Variants in HADHB observed in about 807,000 individuals in gnomAD.
HADHB encodes trifunctional enzyme subunit beta, mitochondrial.
HADHB carries 50 observed loss-of-function variants against 61.9 expected under a neutral mutation model. The ratio of observed to expected loss-of-function variants is 0.81; its 90% CI spans 0.64 to 1.02. The LOEUF is 1.02. Among genes scored for constraint, HADHB ranks in the 50% least tolerant of loss-of-function variants. The pLI is 0.00. For missense variants in HADHB, 504 were observed against 586.5 expected (o/e 0.86, Z 1.45); for synonymous variants, 191 against 201.6 (o/e 0.95, Z 0.45).
At chr2:26,263,523 C>A in intron 4 of HADHB, 44 bp downstream of exon 4, 1 of 1,214,240 alleles carries the variant, frequency 8.2e-7, no homozygotes, top group Non-Finnish European at 1.2e-6. Context: ...TCTTTTAAGA[C>A]ACTTTCAAAA....
chr2:26,260,099 T>TTTTTG, intron 3 of HADHB, among the ~76,000 whole-genome samples: 1 of 151,000 alleles, frequency 6.6e-6, no homozygotes. Context: ...TTTTTTTTTT[T>TTTTTG]GAGGCAGAGT....
Position 26,244,969 on chromosome 2 carries a change from G to A in HADHB, c.-30G>A. The A allele has an allele frequency of 7.0e-6, 2 of 286,448 alleles. No individual in the cohort carries two copies. Among genetic ancestry groups the A allele is most frequent in the South Asian group, 3.8e-5 (1 of 26,246 alleles). The allele number at this position is 286,448 out of a possible 1,614,324, so 17.7% of individuals were successfully genotyped here. A position where few individuals can be genotyped will look rare whatever the true frequency, so the allele number is the denominator to read the frequency against. On this transcript the variant is annotated 5_prime_UTR_variant, in exon 1 of 16. Coordinates refer to ENST00000317799, the MANE Select transcript of HADHB (RefSeq NM_000183.3). ...GACCTGAACCTTGCTCCGAGAGGGA[G>A]TCCTCGCGGACGTCAGCCAAGGTGA...
At chr2:26,279,076 A>G (rs1047158067) in intron 8 of HADHB, 59 bp from the exon 9 acceptor site, 87 of 1,276,850 alleles carry the variant, frequency 6.8e-5, no homozygotes, top group Non-Finnish European at 9.3e-5. Context: ...GAACAATCCT[A>G]GGTGTTAGCA....
At position 26,290,016 on chromosome 2, in the gene HADHB, A is replaced by T; in HGVS notation, c.*63A>T. ...ACTCACACTAGGCAATGCCATTTCA[A>T]TGCATTACTAAATGACATTTGTAGT... On this transcript the variant is annotated 3_prime_UTR_variant, in exon 16 of 16. Transcript: ENST00000317799. The T allele has an allele frequency of 9.8e-7, 1 of 1,024,738 alleles. No homozygotes were observed. The highest frequency in any genetic ancestry group is 1.6e-6 in the Non-Finnish European group (1 of 642,634). 63.5% of individuals were successfully genotyped at this position (1,024,738 alleles called of 1,614,324 possible). A position where few individuals can be genotyped will look rare whatever the true frequency, so the allele number is the denominator to read the frequency against.
At chr2:26,286,731 C>G (rs1409312215) in intron 15 of HADHB, among the ~76,000 whole-genome samples, 1 of 150,640 alleles carries the variant, frequency 6.6e-6, no homozygotes, top group Non-Finnish European at 1.5e-5. Flanking sequence ...GTCTCGAACT[C>G]CTGACCTCAG....
chr2:26,288,801 C>T (rs1221142766), intron 15 of HADHB, among the ~76,000 whole-genome samples: 1 of 152,152 alleles, frequency 6.6e-6, no homozygotes, highest in African/African-American at 2.4e-5. Context: ...AATCTTTAAA[C>T]CTGCAGTGTT....
chr2:26,285,739 GTTTTT>G (rs766742523), intron 15 of HADHB, among the ~76,000 whole-genome samples, 168 bp downstream of exon 15: 2 of 65,082 alleles, frequency 3.1e-5, no homozygotes, highest in Non-Finnish European at 5.7e-5. Flanking sequence ...TGTTTTTTGG[GTTTTT>G]TTTTTTTTTT....
At chr2:26,258,788 C>T (rs970159920) in intron 3 of HADHB, among the ~76,000 whole-genome samples, 9 of 152,192 alleles carry the variant, frequency 5.9e-5, no homozygotes, top group Non-Finnish European at 1.2e-4. Context: ...CAATCATTGT[C>T]GCTCCCCCTG....
chr2:26,273,787 T>TTCTCCTATCACTCTTTAA, intron 6 of HADHB, 37 bp downstream of exon 6: 1 of 1,016,682 alleles, frequency 9.8e-7, no homozygotes, highest in Non-Finnish European at 1.6e-6. Context: ...TAAAGAGTGA[T>TTCTCCTATCACTCTTTAA]AGGAGAATCA....
chr2:26,272,579 C>G (rs941244050), intron 5 of HADHB, among the ~76,000 whole-genome samples: 1 of 151,018 alleles, frequency 6.6e-6, no homozygotes, highest in Non-Finnish European at 1.5e-5. Flanking sequence ...GAACTCCTGT[C>G]CTCAAGTGAT....
At position 26,282,876 on chromosome 2, in the gene HADHB, C is replaced by T. The variant is rs758786432; in HGVS notation, c.965C>T (p.Ala322Val). 9.3e-6 allele frequency: 15 copies of T among 1,612,594 alleles called. No homozygotes were observed. The highest frequency in any genetic ancestry group is 6.7e-5 in the African/African-American group (5 of 74,870). Reference protein sequence around the residue: ...TDGASAMLIMAEEKALAMGYK... With the variant: ...TDGASAMLIMVEEKALAMGYK... ...GGTGCATCTGCAATGTTAATCATGG[C>T]GGAGGAAAAGGCTCTGGCCATGGGT... is the stretch of plus-strand genomic sequence containing the variant. Residue 322 changes from alanine to valine, a missense_variant, in exon 11 of 16, where the codon GCG (alanine) becomes GTG (valine). Transcript: ENST00000317799.
At chr2:26,280,482 A>C (rs1672740555) in intron 10 of HADHB, among the ~76,000 whole-genome samples, 1 of 152,238 alleles carries the variant, frequency 6.6e-6, no homozygotes, top group South Asian at 2.1e-4. Context: ...GGACAGTCAG[A>C]GAGTCTTCTT....
Position 26,284,735 on chromosome 2 carries a change from G to T in HADHB, c.1150-148G>T, listed in dbSNP as rs774864474. ...ACCCGCCTTGGCCTCCCAAAGTGCT[G>T]GGATTACAGATGTGAGCCACTGTGC... On this transcript the variant is annotated intron_variant, in intron 13 of 15. Transcript: ENST00000317799. The T allele has an allele frequency of 1.0e-5, 7 of 698,096 alleles. No individual in the cohort carries two copies. In the South Asian group the frequency reaches 1.0e-4, roughly 10 times the overall value. 43.2% of individuals were successfully genotyped at this position (698,096 alleles called of 1,614,324 possible).
chr2:26,258,366 G>T (rs899595040), intron 3 of HADHB, among the ~76,000 whole-genome samples: 5 of 152,180 alleles, frequency 3.3e-5, no homozygotes, highest in Non-Finnish European at 5.9e-5. Flanking sequence ...GAGTGTTATA[G>T]CTCTATTAGA....
chr2:26,289,492 C>T (rs1232799470), intron 15 of HADHB, among the ~76,000 whole-genome samples: 1 of 152,024 alleles, frequency 6.6e-6, no homozygotes, highest in East Asian at 1.9e-4. Context: ...TTGGTATTTG[C>T]TGTATCATGT....
chr2:26,273,484 CT>C (rs1239615286), intron 5 of HADHB, among the ~76,000 whole-genome samples, 166 bp from the exon 6 acceptor site: 6 of 152,284 alleles, frequency 3.9e-5, no homozygotes, highest in African/African-American at 1.4e-4. Flanking sequence ...TCATTCATTT[CT>C]TCTTTGAGAA....
chr2:26,249,171 G>C (rs923418156), intron 1 of HADHB, among the ~76,000 whole-genome samples: 1 of 151,936 alleles, frequency 6.6e-6, no homozygotes, highest in Non-Finnish European at 1.5e-5. Context: ...TCTTGCTTTT[G>C]GTCATGTATC....
In HADHB at chr2:26,270,009, C is replaced by T. The variant is rs1370627737; in HGVS notation, c.254+12C>T. On this transcript the variant is annotated intron_variant, in intron 5 of 15. Coordinates refer to ENST00000317799, the MANE Select transcript of HADHB (RefSeq NM_000183.3). The stretch of plus-strand genomic sequence containing the variant: ...AGAGCAGCGCTTACGTAAGTAAATG[C>T]AGTTTCATTTCCGTTCTTATTTCAT... 5 of 1,563,428 alleles carry T rather than the reference C, an allele frequency of 3.2e-6. No individual in the cohort carries two copies. The South Asian group carries it at 4.4e-5, about 14-fold the overall frequency.
chr2:26,259,065 A>C (rs1402214370), intron 3 of HADHB, among the ~76,000 whole-genome samples: 1 of 152,170 alleles, frequency 6.6e-6, no homozygotes, highest in East Asian at 1.9e-4. Context: ...CCCATGATGA[A>C]ACCCTAGCTT....
Sources: gnomAD v4.1 joint callset for allele counts (sites outside exome capture counted in the v4.1 genomes callset) on GRCh38, gnomAD v4.1.1 for gene constraint, MANE v1.5 for transcripts, NCBI Gene and HGNC (gene_info 2026-07-23, HGNC 2026-07-21) for gene names.